Variants in TGFBRAP1 observed in about 807,000 individuals in gnomAD.
TGFBRAP1 encodes transforming growth factor-beta receptor-associated protein 1.
Under a neutral mutation model 83.2 loss-of-function variants are expected in TGFBRAP1, and 20 were observed. That is an observed-to-expected ratio of 0.24 (90% CI 0.17 to 0.35). TGFBRAP1 has a LOEUF of 0.35. Among genes scored for constraint, TGFBRAP1 ranks in the 10% least tolerant of loss-of-function variants. The pLI is 1.00. For synonymous variants in TGFBRAP1, 415 were observed against 459.8 expected (o/e 0.90, Z 1.25); for missense variants, 950 against 1,099.4 (o/e 0.86, Z 1.92).
Position 105,273,698 on chromosome 2 carries a change from A to T in TGFBRAP1, c.1666-8T>A. The T allele has an allele frequency of 6.2e-7, 1 of 1,613,976 alleles. No individual in the cohort carries two copies. Among genetic ancestry groups the T allele is most frequent in the Non-Finnish European group, 8.5e-7 (1 of 1,179,926 alleles). Reference sequence around the variant, plus strand: ...GAAAACCTGAACTCCGACCTGAAAGAGGAGCGACAATACAGTGACTGTGCT... The same window carrying T: ...GAAAACCTGAACTCCGACCTGAAAGTGGAGCGACAATACAGTGACTGTGCT... On this transcript the variant is annotated splice_polypyrimidine_tract_variant and splice_region_variant and intron_variant, in intron 8 of 11. Coordinates refer to ENST00000393359, the MANE Select transcript of TGFBRAP1 (RefSeq NM_004257.6).
chr2:105,279,129 C>T (rs1307504986), intron 6 of TGFBRAP1, among the ~76,000 whole-genome samples: 1 of 152,080 alleles, frequency 6.6e-6, no homozygotes, highest in Non-Finnish European at 1.5e-5. Flanking sequence ...AAAAGTGAGG[C>T]CTAGAATGGT....
intron 1 of TGFBRAP1, among the ~76,000 whole-genome samples, chr2:105,317,513 T>G (rs762369749): frequency 6.6e-6 from 1 of 151,452 alleles, no homozygotes; most frequent in African/African-American, 2.4e-5. Flanking sequence ...TATTCTTAAG[T>G]ATAAAAGACA....
intron 4 of TGFBRAP1, 131 bp downstream of exon 4, chr2:105,296,225 A>G: frequency 6.8e-6 from 8 of 1,173,498 alleles, no homozygotes; most frequent in African/African-American, 1.6e-5. Flanking sequence ...TTGTTGAGAA[A>G]ATTAAACAAC....
intron 4 of TGFBRAP1, among the ~76,000 whole-genome samples, chr2:105,292,024 G>A (rs1677933182): frequency 6.6e-6 from 1 of 152,084 alleles, no homozygotes; most frequent in Non-Finnish European, 1.5e-5. Context: ...AGCCAAACTG[G>A]CCCTCAAGTA....
chr2:105,272,879 A>C lies in TGFBRAP1; in HGVS notation c.1948T>G (p.Leu650Val). ...KLRRLLQKSD[L>V]YRVHFLLERL... ...CCGAGAAGAAAGTGGACTCGGTATAAATCAGATTTCTGGAGCAGCCGCCGC... is the reference window on the plus strand; with the variant it reads ...CCGAGAAGAAAGTGGACTCGGTATACATCAGATTTCTGGAGCAGCCGCCGC... Residue 650 changes from leucine to valine, a missense_variant, in exon 10 of 12, where the codon TTA becomes GTA. Transcript: ENST00000393359. The C allele has an allele frequency of 6.2e-7, 1 of 1,608,762 alleles. No individual in the cohort carries two copies. Among genetic ancestry groups the C allele is most frequent in the Non-Finnish European group, 8.5e-7 (1 of 1,179,882 alleles).
intron 7 of TGFBRAP1, 146 bp from the exon 8 acceptor site, chr2:105,275,849 C>A: frequency 5.0e-6 from 4 of 800,816 alleles, no homozygotes; most frequent in South Asian, 7.7e-5. Flanking sequence ...ACTGTAAATG[C>A]TTAAATTTTA....
intron 5 of TGFBRAP1, among the ~76,000 whole-genome samples, chr2:105,282,620 T>A (rs536344168): frequency 6.6e-6 from 1 of 151,824 alleles, no homozygotes; most frequent in Non-Finnish European, 1.5e-5. Context: ...AGGCCACGAG[T>A]TTGAGACCAG....
the TGFBRAP1 span, among the ~76,000 whole-genome samples, chr2:105,253,722 A>G: frequency 6.6e-6 from 1 of 152,222 alleles, no homozygotes; most frequent in Non-Finnish European, 1.5e-5. Context: ...GGCATTAGCC[A>G]ATGAACCTGG....
intron 4 of TGFBRAP1, among the ~76,000 whole-genome samples, chr2:105,287,676 C>T (rs951961765): frequency 1.3e-5 from 2 of 152,108 alleles, no homozygotes; most frequent in Admixed American, 1.3e-4. Flanking sequence ...CACAACAGTG[C>T]CTGGCATGCA....
chr2:105,298,465 A>G, intron 3 of TGFBRAP1, 46 bp downstream of exon 3: 1 of 1,523,662 alleles, frequency 6.6e-7, no homozygotes, highest in Admixed American at 2.1e-5. Context: ...GAAATATCAT[A>G]AAAGAGTTAA....
intron 6 of TGFBRAP1, among the ~76,000 whole-genome samples, chr2:105,278,804 A>T (rs1677434917): frequency 6.6e-6 from 1 of 152,166 alleles, no homozygotes; most frequent in South Asian, 2.1e-4. Flanking sequence ...AACCTTTTGG[A>T]AAGTCATGCT....
At chr2:105,316,948 C>T (rs183900123) in intron 1 of TGFBRAP1, among the ~76,000 whole-genome samples, 2 of 152,202 alleles carry the variant, frequency 1.3e-5, no homozygotes, top group South Asian at 2.1e-4. Flanking sequence ...TGGACTAGCA[C>T]GAGGACAGAC....
At chr2:105,310,487 G>T (rs529505106) in intron 1 of TGFBRAP1, among the ~76,000 whole-genome samples, 1 of 152,130 alleles carries the variant, frequency 6.6e-6, no homozygotes, top group South Asian at 2.1e-4. Context: ...TCACCTACGG[G>T]AGCTCATCTT....
chr2:105,306,219 T>C (rs1374702846), intron 2 of TGFBRAP1, among the ~76,000 whole-genome samples: 2 of 151,824 alleles, frequency 1.3e-5, no homozygotes, highest in East Asian at 3.9e-4. Context: ...TGCACCACCA[T>C]GCCCGGCTAA....
chr2:105,310,907 T>A (rs1403619192), intron 1 of TGFBRAP1, among the ~76,000 whole-genome samples: 1 of 152,184 alleles, frequency 6.6e-6, no homozygotes, highest in Admixed American at 6.5e-5. Context: ...ATTTAAAATA[T>A]AAATTGTGTC....
chr2:105,249,628 C>T, the TGFBRAP1 span: 1 of 152,014 alleles, frequency 6.6e-6, no homozygotes, highest in African/African-American at 2.4e-5. Context: ...AATCTGGAGC[C>T]ACAAGGAGAT....
chr2:105,287,459 G>C (rs1677758774), intron 4 of TGFBRAP1, among the ~76,000 whole-genome samples: 1 of 152,162 alleles, frequency 6.6e-6, no homozygotes, highest in South Asian at 2.1e-4. Flanking sequence ...TCTCATGTCT[G>C]TGGTGATCTG....
rs184197082 is a variant in TGFBRAP1 at position 105,294,135 on chromosome 2, G to A, written c.1038+2221C>T. ...TGCCATGTCTTGTCTGTGAAATGAG[G>A]ACAATTGTACCAGTCATTACCGAAT... is the stretch of plus-strand genomic sequence containing the variant. On this transcript the variant is annotated intron_variant, in intron 4 of 11. Transcript: ENST00000393359. Among the ~76,000 whole-genome samples the A allele has an allele frequency of 4.1e-3, 629 of 152,296 alleles. 3 individuals carry two copies. Among genetic ancestry groups the A allele is most frequent in the Middle Eastern group, 0.014 (4 of 294 alleles).
chr2:105,263,776 C>T (rs1043297661), downstream of TGFBRAP1, among the ~76,000 whole-genome samples: 5 of 152,220 alleles, frequency 3.3e-5, no homozygotes, highest in Non-Finnish European at 7.4e-5. Context: ...ATCCCAGCTA[C>T]TCGGGAGGCT....
Sources: gnomAD v4.1 joint callset for allele counts (sites outside exome capture counted in the v4.1 genomes callset) on GRCh38, gnomAD v4.1.1 for gene constraint, MANE v1.5 for transcripts, NCBI Gene and HGNC (gene_info 2026-07-23, HGNC 2026-07-21) for gene names.